The following ERICH1 variants were observed in gnomAD, a reference collection of about 807,000 sequenced individuals.
ERICH1 encodes glutamate rich 1.
ERICH1 carries 56 observed loss-of-function variants against 39.6 expected under a neutral mutation model. The observed-to-expected ratio is 1.41, with a 90% CI of 1.14 to 1.77. The LOEUF is 1.77. ERICH1 is among the 40% of genes most tolerant of loss of function. The pLI is 0.00. For synonymous variants in ERICH1, 313 were observed against 223.6 expected, an observed-to-expected ratio of 1.40 and a Z score of -3.57; for missense variants, 826 against 575.4, an observed-to-expected ratio of 1.44 and a Z score of -4.45.
At chr8:689,526 G>C (rs532348786) in intron 3 of ERICH1, among the ~76,000 whole-genome samples, 19 of 152,328 alleles carry the variant, frequency 1.2e-4, no homozygotes, top group Non-Finnish European at 2.4e-4. Context: ...CACACCCCTT[G>C]TCTCCTCCTG....
At chr8:705,782 A>G (rs780104477) in intron 2 of ERICH1, among the ~76,000 whole-genome samples, 2 of 152,250 alleles carry the variant, frequency 1.3e-5, no homozygotes, top group Non-Finnish European at 2.9e-5. Context: ...AAACTACCCG[A>G]AATCACAGAT....
At chr8:614,877 A>C (rs1043732088) in exon 4 of ERICH1, 30 of 215,880 alleles carry the variant, frequency 1.4e-4, no homozygotes, top group Admixed American at 1.1e-3. Context: ...GGAACAACCC[A>C]CCCAGCCAAT....
chr8:653,730 A>G (rs1458852409), intron 3 of ERICH1, among the ~76,000 whole-genome samples: 1 of 152,178 alleles, frequency 6.6e-6, no homozygotes, highest in Non-Finnish European at 1.5e-5. Context: ...AACACGAGGA[A>G]CCCTGAGGAT....
chr8:632,819 G>C (rs1353681468), intron 3 of ERICH1, among the ~76,000 whole-genome samples: 1 of 152,310 alleles, frequency 6.6e-6, no homozygotes, highest in East Asian at 1.9e-4. Context: ...GCAATGTGTG[G>C]AGTCATTTCT....
intron 2 of ERICH1, among the ~76,000 whole-genome samples, chr8:714,853 C>T (rs1815486609): frequency 6.6e-6 from 1 of 151,988 alleles, no homozygotes; most frequent in Non-Finnish European, 1.5e-5. Flanking sequence ...ATGTGCTGTA[C>T]ATAGGTGGTC....
chr8:710,813 T>C (rs991392398), intron 2 of ERICH1, among the ~76,000 whole-genome samples: 8 of 152,232 alleles, frequency 5.3e-5, no homozygotes, highest in Non-Finnish European at 1.0e-4. Context: ...GTTTCGGCAG[T>C]TATGAATAAA....
At chr8:656,455 T>C (rs899901093) in intron 3 of ERICH1, among the ~76,000 whole-genome samples, 1 of 152,192 alleles carries the variant, frequency 6.6e-6, no homozygotes, top group Non-Finnish European at 1.5e-5. Flanking sequence ...ATCTCTATGT[T>C]TGTTTGCCCC....
Position 673,976 on chromosome 8 carries a change from G to T in ERICH1, c.376C>A (p.Pro126Thr). Reference sequence around the variant, plus strand: ...GCTTGTTCTATAAGAACATTATTGGGATTTTTAAATTTTTTCTTTGATTTA... The same window carrying T: ...GCTTGTTCTATAAGAACATTATTGGTATTTTTAAATTTTTTCTTTGATTTA... The part of the protein sequence containing the change: ...KHKSKKKFKN[P>T]NNVLIEQAEL... Residue 126 changes from proline (P) to threonine (T), a missense_variant, in exon 4 of 6, where the codon CCC (proline) becomes ACC (threonine). Physicochemically the swap from Pro to Thr is conservative, Grantham distance 38. Coordinates refer to ENST00000262109, the MANE Select transcript of ERICH1 (RefSeq NM_207332.3). The T allele has an allele frequency of 6.3e-7, 1 of 1,591,914 alleles. No individual in the cohort carries two copies.
In ERICH1 at chr8:731,142, T is replaced by C. The variant is rs992190963; in HGVS notation, c.20A>G (p.His7Arg). 54 of 1,521,230 alleles carry C rather than the reference T, an allele frequency of 3.5e-5. No individual in the cohort carries two copies. Among genetic ancestry groups the C allele is most frequent in the Non-Finnish European group, 4.7e-5 (54 of 1,137,162 alleles). The allele number at this position is 1,521,230 out of a possible 1,614,324, so 94.2% of individuals were successfully genotyped here. Residue 7 changes from histidine (H) to arginine (R), a missense_variant and splice_region_variant, in exon 1 of 6, where the codon CAC (histidine) becomes CGC (arginine). Coordinates refer to ENST00000262109, the MANE Select transcript of ERICH1 (RefSeq NM_207332.3). ...GCCTCCGCACCGCACCCACCTACCG[T>C]GCTTCCTGTGCGCCGCCATGCGGGA... The part of the protein sequence containing the change: MAAHRK[H>R]VFVEKVLQRL...
chr8:642,175 C>A (rs970401417), intron 3 of ERICH1, among the ~76,000 whole-genome samples: 2 of 152,158 alleles, frequency 1.3e-5, no homozygotes, highest in African/African-American at 4.8e-5. Context: ...CCCACCATCC[C>A]AGCACTTAAC....
intron 3 of ERICH1, among the ~76,000 whole-genome samples, chr8:633,195 G>C (rs189804319): frequency 3.3e-5 from 5 of 152,208 alleles, no homozygotes; most frequent in Non-Finnish European, 7.3e-5. Context: ...CGGAGGCTGT[G>C]CACACCCTAT....
At chr8:629,478 G>A (rs12681065) in intron 3 of ERICH1, among the ~76,000 whole-genome samples, 26 of 135,450 alleles carry the variant, frequency 1.9e-4, no homozygotes, top group African/African-American at 6.5e-4. Flanking sequence ...CACCCACACA[G>A]ACAGAGCTGA....
intron 3 of ERICH1, among the ~76,000 whole-genome samples, chr8:677,445 A>T (rs1805106475): frequency 6.6e-6 from 1 of 152,182 alleles, no homozygotes; most frequent in African/African-American, 2.4e-5. Context: ...CACAGTCCCA[A>T]GATGAAGCCG....
rs75246757 is a variant in ERICH1, at chr8:678,261, G to A, written c.305-4214C>T. 3.9e-5 allele frequency among the ~76,000 whole-genome samples: 6 copies of A among 152,206 alleles called. No homozygotes were observed. In the East Asian group the frequency reaches 1.2e-3, roughly 29 times the overall value. Reference sequence around the variant, plus strand: ...TCCTCCCAATTTCTCTGATTTCCAAGTCTAGTTTAAGAGAGGAGGCTTGAA... The same window carrying A: ...TCCTCCCAATTTCTCTGATTTCCAAATCTAGTTTAAGAGAGGAGGCTTGAA... On this transcript the variant is annotated intron_variant, in intron 3 of 5. Transcript: ENST00000262109.
At chr8:674,317 T>TC (rs1335790698) in intron 3 of ERICH1, among the ~76,000 whole-genome samples, 16 of 150,468 alleles carry the variant, frequency 1.1e-4, no homozygotes, top group African/African-American at 3.4e-4. Flanking sequence ...TTTTTTTTTT[T>TC]CCTGACACAG....
Position 704,681 on chromosome 8 carries a change from G to A in ERICH1, c.169+11180C>T, listed in dbSNP as rs138388863. Among the ~76,000 whole-genome samples, 11 of 151,892 alleles carry A rather than the reference G, an allele frequency of 7.2e-5. No homozygotes were observed. The East Asian group carries it at 2.1e-3, about 30-fold the overall frequency. Reference sequence around the variant, plus strand: ...GTAAAAAATGTGCATCCATGGTGGGGGAAGCTGCTAAAAAAAACCAAAATC... The same window carrying A: ...GTAAAAAATGTGCATCCATGGTGGGAGAAGCTGCTAAAAAAAACCAAAATC... On this transcript the variant is annotated intron_variant, in intron 2 of 5. Transcript: ENST00000262109.
At chr8:640,086 G>A (rs146263611) in intron 3 of ERICH1, among the ~76,000 whole-genome samples, 1 of 152,274 alleles carries the variant, frequency 6.6e-6, no homozygotes, top group African/African-American at 2.4e-5. Flanking sequence ...CCACTTCACA[G>A]AGGAAGAAAC....
intron 3 of ERICH1, chr8:626,023 T>G (rs1259099336): frequency 3.3e-5 from 5 of 152,378 alleles, no homozygotes; most frequent in African/African-American, 9.6e-5. Flanking sequence ...ATAGAAAATA[T>G]ACTTCACACT....
intron 3 of ERICH1, among the ~76,000 whole-genome samples, chr8:620,435 A>G (rs895638194): frequency 1.3e-5 from 2 of 152,236 alleles, no homozygotes; most frequent in African/African-American, 2.4e-5. Context: ...GGCAGAGATC[A>G]TCAGACTGAA....
Sources: allele counts gnomAD v4.1 joint callset (sites outside exome capture counted in the v4.1 genomes callset), GRCh38; gene constraint gnomAD v4.1.1; transcripts MANE v1.5; gene names NCBI Gene and HGNC (gene_info 2026-07-23, HGNC 2026-07-21).